MARCHF1: variants seen among roughly 807,000 people sequenced by gnomAD.
MARCHF1 encodes membrane associated ring-CH-type finger 1.
Under a neutral mutation model 54.2 loss-of-function variants are expected in MARCHF1, and 40 were observed. The observed-to-expected ratio is 0.74, with a 90% CI of 0.57 to 0.96. The LOEUF (loss-of-function observed/expected upper bound fraction) is 0.96. Ranked by LOEUF, MARCHF1 falls within the 40% of genes least tolerant of loss-of-function variation. The probability of loss-of-function intolerance (pLI) is 0.00; values close to 1 mark genes in which losing one functional copy is unlikely to be tolerated. For synonymous variants in MARCHF1, 236 were observed against 236.3 expected, an observed-to-expected ratio of 1.00 and a Z score of 0.01; for missense variants, 586 against 656.5, an observed-to-expected ratio of 0.89 and a Z score of 1.17.
intron 1 of MARCHF1, among the ~76,000 whole-genome samples, chr4:164,318,922 T>C (rs1369411109): frequency 1.3e-5 from 2 of 152,228 alleles, no homozygotes; most frequent in African/African-American, 4.8e-5. Flanking sequence ...AAATTAATCA[T>C]GAAATTTTCA....
intron 3 of MARCHF1, among the ~76,000 whole-genome samples, chr4:163,898,685 G>GT (rs1324872363): frequency 1.2e-4 from 18 of 152,110 alleles, no homozygotes; most frequent in Non-Finnish European, 2.4e-4. Flanking sequence ...TCACTACTGA[G>GT]TATCTACCCA....
chr4:164,180,373 A>G (rs78895046), intron 1 of MARCHF1, among the ~76,000 whole-genome samples: 2 of 152,164 alleles, frequency 1.3e-5, no homozygotes, highest in African/African-American at 4.8e-5. Context: ...GATTAGTGCA[A>G]CTAACCTTTC....
At chr4:163,968,884 G>A (rs191500578) in intron 3 of MARCHF1, among the ~76,000 whole-genome samples, 85 of 152,222 alleles carry the variant, frequency 5.6e-4, no homozygotes, top group African/African-American at 2.0e-3. Context: ...ACTGTGTCTA[G>A]ACAAAGTGCA....
chr4:163,922,581 T>C (rs1377996537), intron 3 of MARCHF1, among the ~76,000 whole-genome samples: 1 of 152,196 alleles, frequency 6.6e-6, no homozygotes, highest in African/African-American at 2.4e-5. Flanking sequence ...CTATTGTAAT[T>C]TACAATTCTG....
At chr4:164,167,779 T>C (rs1316209791) in intron 1 of MARCHF1, among the ~76,000 whole-genome samples, 1 of 151,724 alleles carries the variant, frequency 6.6e-6, no homozygotes, top group East Asian at 1.9e-4. Flanking sequence ...CAATGCAAAA[T>C]TGATAAAAGA....
chr4:164,219,715 A>G (rs1398392263), intron 1 of MARCHF1, among the ~76,000 whole-genome samples: 3 of 152,042 alleles, frequency 2.0e-5, no homozygotes, highest in Non-Finnish European at 4.4e-5. Flanking sequence ...ATACATTTCT[A>G]AAGTTATTAA....
At chr4:163,546,776 G>A (rs777129657) in intron 8 of MARCHF1, among the ~76,000 whole-genome samples, 2 of 152,190 alleles carry the variant, frequency 1.3e-5, no homozygotes, top group Non-Finnish European at 2.9e-5. Flanking sequence ...CTCAGTCTGG[G>A]AGAGGAAGAA....
At chr4:163,608,059 T>C (rs987332500) in intron 7 of MARCHF1, among the ~76,000 whole-genome samples, 1 of 152,164 alleles carries the variant, frequency 6.6e-6, no homozygotes, top group Non-Finnish European at 1.5e-5. Context: ...AAAGCTATCA[T>C]TCAAAAACTA....
At chr4:164,266,857 A>C (rs1579674797) in intron 1 of MARCHF1, among the ~76,000 whole-genome samples, 1 of 152,230 alleles carries the variant, frequency 6.6e-6, no homozygotes, top group Non-Finnish European at 1.5e-5. Flanking sequence ...AGAAAATGAC[A>C]AATTCTTCTG....
intron 1 of MARCHF1, among the ~76,000 whole-genome samples, chr4:164,274,993 A>G (rs1334964247): frequency 1.3e-5 from 2 of 151,644 alleles, no homozygotes; most frequent in Non-Finnish European, 2.9e-5. Flanking sequence ...ACTTTTAAGC[A>G]GAGACACTAC....
chr4:163,886,518 A>C (rs563710156), intron 3 of MARCHF1, among the ~76,000 whole-genome samples: 5 of 152,236 alleles, frequency 3.3e-5, no homozygotes, highest in Non-Finnish European at 5.9e-5. Flanking sequence ...ACAACAAAAA[A>C]CAGTTACTAA....
intron 4 of MARCHF1, among the ~76,000 whole-genome samples, chr4:163,799,929 T>C (rs998659331): frequency 1.1e-4 from 16 of 152,252 alleles, no homozygotes; most frequent in Middle Eastern, 3.4e-3. Context: ...ATGTGATACA[T>C]AGATACCATG....
In MARCHF1 at chr4:163,613,406, G is replaced by A; in HGVS notation, c.163-13C>T. ...TTGGGCTGCTTGCCTGGAGAAACAAGTTAGATAATTTGGCATCTTGGTTAA... is the reference window on the plus strand; with the variant it reads ...TTGGGCTGCTTGCCTGGAGAAACAAATTAGATAATTTGGCATCTTGGTTAA... On this transcript the variant is annotated splice_polypyrimidine_tract_variant and intron_variant, in intron 5 of 9. Transcript: ENST00000514618. 1 of 1,613,306 alleles carries A rather than the reference G, an allele frequency of 6.2e-7. No individual in the cohort carries two copies. Among genetic ancestry groups the A allele is most frequent in the South Asian group, 1.1e-5 (1 of 91,062 alleles).
chr4:163,979,471 G>A (rs373779548), intron 3 of MARCHF1, among the ~76,000 whole-genome samples: 24 of 139,450 alleles, frequency 1.7e-4, no homozygotes, highest in Admixed American at 8.8e-4. Context: ...GAATAATGCC[G>A]CAATAAACAT....
chr4:163,918,709 G>A (rs1340506361), intron 3 of MARCHF1, among the ~76,000 whole-genome samples: 1 of 151,960 alleles, frequency 6.6e-6, no homozygotes, highest in African/African-American at 2.4e-5. Context: ...TTTTTATATA[G>A]TTGTTTACTG....
rs149836506 is a variant in MARCHF1 at position 163,632,076 on chromosome 4, C to T, written c.163-18683G>A. On this transcript the variant is annotated intron_variant, in intron 5 of 9. Coordinates refer to ENST00000514618, the MANE Select transcript of MARCHF1 (RefSeq NM_001394959.1). ...ATTAAGATGGCTACTATAAAGAAAA[C>T]AGAAAATAACAAGTCTTGGTGAGGA... is the stretch of plus-strand genomic sequence containing the variant. Among the ~76,000 whole-genome samples the T allele has an allele frequency of 5.3e-5, 8 of 152,208 alleles. No individual in the cohort carries two copies. In the South Asian group the frequency reaches 1.0e-3, roughly 20 times the overall value.
At chr4:164,379,241 A>C (rs1276691204) in intron 1 of MARCHF1, among the ~76,000 whole-genome samples, 1 of 152,164 alleles carries the variant, frequency 6.6e-6, no homozygotes, top group Non-Finnish European at 1.5e-5. Context: ...TACAGTAATA[A>C]CCTGTGGATG....
At chr4:163,911,297 C>T (rs771554439) in intron 3 of MARCHF1, among the ~76,000 whole-genome samples, 2 of 152,106 alleles carry the variant, frequency 1.3e-5, no homozygotes, top group Non-Finnish European at 2.9e-5. Flanking sequence ...TTGCATCTTC[C>T]AAGTCCTACC....
intron 2 of MARCHF1, among the ~76,000 whole-genome samples, chr4:164,109,268 A>G (rs1276986466): frequency 1.3e-5 from 2 of 152,028 alleles, no homozygotes; most frequent in African/African-American, 2.4e-5. Flanking sequence ...CATCCCCCAG[A>G]CAGTCCAAGA....
Sources: allele counts gnomAD v4.1 joint callset (sites outside exome capture counted in the v4.1 genomes callset), GRCh38; gene constraint gnomAD v4.1.1; transcripts MANE v1.5; gene names NCBI Gene and HGNC (gene_info 2026-07-23, HGNC 2026-07-21).